The following MOB3B variants were observed in gnomAD, a reference collection of about 807,000 sequenced individuals.
The protein encoded by MOB3B is MOB kinase activator 3B.
Under a neutral mutation model 18.7 loss-of-function variants are expected in MOB3B, and 7 were observed. The observed-to-expected ratio is 0.37, with a 90% CI of 0.21 to 0.70. The LOEUF is 0.70. Ranked by LOEUF, MOB3B falls within the 30% of genes least tolerant of loss-of-function variation. MOB3B has a pLI of 0.52. For missense variants in MOB3B, 253 were observed against 281.3 expected, an observed-to-expected ratio of 0.90 and a Z score of 0.72; for synonymous variants, 111 against 99.9, an observed-to-expected ratio of 1.11 and a Z score of -0.66.
At chr9:27,406,084 C>A (rs1463758306) in intron 2 of MOB3B, among the ~76,000 whole-genome samples, 1 of 152,026 alleles carries the variant, frequency 6.6e-6, no homozygotes, top group African/African-American at 2.4e-5. Context: ...AACAATTAGA[C>A]AAGGGAAAGA....
intron 1 of MOB3B, among the ~76,000 whole-genome samples, chr9:27,475,072 C>T (rs987618689): frequency 7.2e-5 from 11 of 152,136 alleles, no homozygotes; most frequent in Admixed American, 3.9e-4. Flanking sequence ...CTTGCTCACA[C>T]ACTCTTGCTC....
At chr9:27,472,941 G>A (rs1408336767) in intron 1 of MOB3B, among the ~76,000 whole-genome samples, 4 of 152,166 alleles carry the variant, frequency 2.6e-5, no homozygotes, top group African/African-American at 9.7e-5. Flanking sequence ...AGTCACTTTG[G>A]TGCATCTCAA....
intron 1 of MOB3B, among the ~76,000 whole-genome samples, chr9:27,458,668 A>G (rs1819229130): frequency 6.7e-6 from 1 of 148,766 alleles, no homozygotes. Flanking sequence ...CTCCTGTCTC[A>G]GCCTTCTAAG....
chr9:27,343,959 G>A (rs571169839), intron 3 of MOB3B, among the ~76,000 whole-genome samples: 1 of 152,228 alleles, frequency 6.6e-6, no homozygotes, highest in South Asian at 2.1e-4. Context: ...TAGGTACCAA[G>A]ATACAGAGTT....
chr9:27,436,873 C>T (rs956233603), intron 2 of MOB3B, among the ~76,000 whole-genome samples: 12 of 151,576 alleles, frequency 7.9e-5, no homozygotes, highest in Non-Finnish European at 1.5e-4. Flanking sequence ...GAAATTTGAG[C>T]GGGGATCTGA....
chr9:27,417,488 C>G (rs1285700439), intron 2 of MOB3B, among the ~76,000 whole-genome samples: 2 of 152,156 alleles, frequency 1.3e-5, no homozygotes, highest in African/African-American at 4.8e-5. Context: ...AATAAAGTTT[C>G]CTTTGAGTGA....
chr9:27,480,099 A>G (rs1819624449), intron 1 of MOB3B, among the ~76,000 whole-genome samples: 1 of 151,158 alleles, frequency 6.6e-6, no homozygotes, highest in South Asian at 2.1e-4. Context: ...TATTATTCAT[A>G]TAATATTTTC....
chr9:27,487,782 C>A (rs899271266), intron 1 of MOB3B, among the ~76,000 whole-genome samples: 2 of 152,156 alleles, frequency 1.3e-5, no homozygotes, highest in Admixed American at 6.5e-5. Context: ...TCATGTACAT[C>A]TTTCTCACCC....
chr9:27,404,637 C>A (rs371813809), intron 2 of MOB3B, among the ~76,000 whole-genome samples: 1 of 152,012 alleles, frequency 6.6e-6, no homozygotes, highest in African/African-American at 2.4e-5. Context: ...GATTTACAGG[C>A]GTGATCCACT....
chr9:27,374,115 A>G (rs1821459046), intron 2 of MOB3B, among the ~76,000 whole-genome samples: 1 of 152,180 alleles, frequency 6.6e-6, no homozygotes. Flanking sequence ...ATCCAACCAA[A>G]CAGCAGCCCT....
chr9:27,364,703 GT>G (rs1821319001), intron 2 of MOB3B, among the ~76,000 whole-genome samples: 1 of 152,186 alleles, frequency 6.6e-6, no homozygotes, highest in East Asian at 1.9e-4. Context: ...AATGTTATTT[GT>G]AGCTTAGGGT....
At chr9:27,494,888 A>C (rs975972609) in intron 1 of MOB3B, among the ~76,000 whole-genome samples, 2 of 152,172 alleles carry the variant, frequency 1.3e-5, no homozygotes, top group African/African-American at 2.4e-5. Flanking sequence ...CAAATTTTGG[A>C]TCCTGAAGAT....
At chr9:27,492,908 C>T (rs1819842216) in intron 1 of MOB3B, among the ~76,000 whole-genome samples, 1 of 152,196 alleles carries the variant, frequency 6.6e-6, no homozygotes, top group African/African-American at 2.4e-5. Context: ...TATCCCTTAA[C>T]TTCTATGAAC....
intron 1 of MOB3B, among the ~76,000 whole-genome samples, chr9:27,501,762 G>C (rs1819995360): frequency 3.0e-5 from 1 of 32,964 alleles, no homozygotes; most frequent in South Asian, 1.6e-3. Context: ...GTGAGACTCT[G>C]TCTCAAAAAA....
At position 27,326,827 on chromosome 9, in the gene MOB3B, T is replaced by C. The variant is rs1820719150; in HGVS notation, c.*3760A>G. ...TCATCTCTCCCTTGCACCATCACCA[T>C]GAAATTTTAATACCACATAAATACT... On this transcript the variant is annotated 3_prime_UTR_variant, in exon 4 of 4. Coordinates refer to ENST00000262244, the MANE Select transcript of MOB3B (RefSeq NM_024761.5). The C allele has an allele frequency of 5.5e-6, 2 of 365,086 alleles. No individual in the cohort carries two copies. Among genetic ancestry groups the C allele is most frequent in the Non-Finnish European group, 9.7e-6 (2 of 205,656 alleles). The allele number at this position is 365,086 out of a possible 1,614,324, so 22.6% of individuals were successfully genotyped here.
At chr9:27,396,043 G>A (rs548327069) in intron 2 of MOB3B, among the ~76,000 whole-genome samples, 2 of 152,074 alleles carry the variant, frequency 1.3e-5, no homozygotes, top group Non-Finnish European at 2.9e-5. Context: ...CAAGGTGCCT[G>A]GCCACTTAAG....
chr9:27,500,033 A>G (rs1587260723), intron 1 of MOB3B, among the ~76,000 whole-genome samples: 1 of 152,182 alleles, frequency 6.6e-6, no homozygotes, highest in Non-Finnish European at 1.5e-5. Flanking sequence ...ACTTAAATGC[A>G]TCTTGTGGTT....
At chr9:27,418,180 G>A (rs1174484202) in intron 2 of MOB3B, among the ~76,000 whole-genome samples, 9 of 148,608 alleles carry the variant, frequency 6.1e-5, no homozygotes, top group South Asian at 4.3e-4. Flanking sequence ...AACAAGCAGC[G>A]AGATTGAAAT....
intron 2 of MOB3B, 63 bp from the exon 3 acceptor site, chr9:27,359,299 T>G (rs761678339): frequency 2.2e-5 from 30 of 1,382,226 alleles, no homozygotes; most frequent in Non-Finnish European, 3.0e-5. Flanking sequence ...TCCTCTTTCC[T>G]CTAATATGAA....
Sources: gnomAD v4.1 joint callset for allele counts (sites outside exome capture counted in the v4.1 genomes callset) on GRCh38, gnomAD v4.1.1 for gene constraint, MANE v1.5 for transcripts, NCBI Gene and HGNC (gene_info 2026-07-23, HGNC 2026-07-21) for gene names.